Variants in PEX5L observed in about 807,000 individuals in gnomAD.
PEX5L encodes PEX5-related protein.
Under a neutral mutation model 84.0 loss-of-function variants are expected in PEX5L, and 30 were observed. That is an observed-to-expected ratio of 0.36 (90% CI 0.27 to 0.48). PEX5L has a LOEUF of 0.48. PEX5L is among the 20% of genes least tolerant of loss of function. PEX5L has a pLI of 0.99. For missense variants in PEX5L, 533 were observed against 754.6 expected, an observed-to-expected ratio of 0.71 and a Z score of 3.44; for synonymous variants, 270 against 283.1, an observed-to-expected ratio of 0.95 and a Z score of 0.46.
At chr3:179,870,411 A>G (rs1560467665) in intron 7 of PEX5L, among the ~76,000 whole-genome samples, 1 of 151,932 alleles carries the variant, frequency 6.6e-6, no homozygotes, top group Non-Finnish European at 1.5e-5. Context: ...ACTTCTGCCC[A>G]CTCCAAGACC....
intron 3 of PEX5L, among the ~76,000 whole-genome samples, chr3:179,897,232 T>C (rs1759644504): frequency 2.0e-5 from 3 of 152,152 alleles, no homozygotes; most frequent in Admixed American, 6.6e-5. Flanking sequence ...ATTCTAGGCA[T>C]GTTCATATAA....
intron 8 of PEX5L, among the ~76,000 whole-genome samples, chr3:179,841,896 AT>A (rs1324666000): frequency 1.3e-5 from 2 of 152,208 alleles, no homozygotes; most frequent in Non-Finnish European, 2.9e-5. Flanking sequence ...AAATGTATCA[AT>A]TTCACCACCA....
rs1717559693 is a variant in PEX5L, at chr3:179,797,624, A to C, written c.*4204T>G. 1 of 146,394 alleles carries C rather than the reference A, an allele frequency of 6.8e-6. No homozygotes were observed. The highest frequency in any genetic ancestry group is 1.5e-5 in the Non-Finnish European group (1 of 66,626). 9.1% of individuals were successfully genotyped at this position (146,394 alleles called of 1,614,324 possible). On this transcript the variant is annotated 3_prime_UTR_variant, in exon 15 of 15. Coordinates refer to ENST00000467460, the MANE Select transcript of PEX5L (RefSeq NM_016559.3). ...AAAAAAAATATATATATATATATAT[A>C]TATATATCTACTTCTTAGTTCAAAA...
At chr3:179,965,251 C>T (rs1783046677) in intron 2 of PEX5L, among the ~76,000 whole-genome samples, 1 of 152,174 alleles carries the variant, frequency 6.6e-6, no homozygotes, top group South Asian at 2.1e-4. Context: ...ACTCACCATT[C>T]AGGAGGCACG....
At chr3:179,971,043 C>A (rs554602848) in intron 2 of PEX5L, among the ~76,000 whole-genome samples, 2 of 152,198 alleles carry the variant, frequency 1.3e-5, no homozygotes, top group East Asian at 3.9e-4. Context: ...AACATCCAAG[C>A]TAGTGGTTTC....
At chr3:179,981,072 CA>C (rs1786284395) in intron 1 of PEX5L, among the ~76,000 whole-genome samples, 1 of 151,430 alleles carries the variant, frequency 6.6e-6, no homozygotes, top group African/African-American at 2.4e-5. Flanking sequence ...GATGCACAGC[CA>C]AATCCAAATC....
At chr3:180,008,321 C>A (rs7630527) in intron 1 of PEX5L, among the ~76,000 whole-genome samples, 19,315 of 152,232 alleles carry the variant, frequency 0.13, 1,376 homozygotes, top group African/African-American at 0.2. Context: ...CCATCTGAGA[C>A]CACCTCAGCC....
chr3:179,954,210 G>C (rs893566472), intron 2 of PEX5L, among the ~76,000 whole-genome samples: 27 of 136,390 alleles, frequency 2.0e-4, no homozygotes, highest in South Asian at 1.8e-3. Flanking sequence ...TAGTCGGGGG[G>C]GGGGGAAAAA....
At chr3:179,940,113 A>G (rs149947016) in intron 2 of PEX5L, among the ~76,000 whole-genome samples, 1 of 152,292 alleles carries the variant, frequency 6.6e-6, no homozygotes, top group East Asian at 1.9e-4. Flanking sequence ...GGTACTAGTC[A>G]GTGCAGGTGA....
chr3:179,925,241 G>T (rs1771078979), intron 2 of PEX5L, among the ~76,000 whole-genome samples: 1 of 152,126 alleles, frequency 6.6e-6, no homozygotes, highest in African/African-American at 2.4e-5. Context: ...GTGTTACATT[G>T]ATAGCGTTCA....
chr3:179,873,672 A>C (rs1405148808), intron 7 of PEX5L, among the ~76,000 whole-genome samples: 2 of 152,180 alleles, frequency 1.3e-5, no homozygotes, highest in Non-Finnish European at 2.9e-5. Flanking sequence ...CCAGTGATTT[A>C]GCTGAGTGTC....
intron 1 of PEX5L, among the ~76,000 whole-genome samples, chr3:179,995,933 G>A (rs1282527922): frequency 6.6e-6 from 1 of 152,188 alleles, no homozygotes; most frequent in Non-Finnish European, 1.5e-5. Context: ...CACTGAGTGT[G>A]TAAATTCTGA....
intron 2 of PEX5L, among the ~76,000 whole-genome samples, chr3:179,910,364 T>C (rs959699214): frequency 2.0e-5 from 3 of 152,232 alleles, no homozygotes; most frequent in African/African-American, 7.2e-5. Context: ...AATTTTCTTG[T>C]GAAAAAGCAA....
intron 8 of PEX5L, among the ~76,000 whole-genome samples, chr3:179,847,265 TATTG>T (rs1217570065): frequency 6.6e-6 from 1 of 152,002 alleles, no homozygotes; most frequent in East Asian, 1.9e-4. Flanking sequence ...GATAACTGTA[TATTG>T]ATTGATATAT....
rs967598548 is a variant in PEX5L at position 179,796,222 on chromosome 3, G to C, written c.*5606C>G. On this transcript the variant is annotated 3_prime_UTR_variant, in exon 15 of 15. Coordinates refer to ENST00000467460, the MANE Select transcript of PEX5L (RefSeq NM_016559.3). Reference sequence around the variant, plus strand: ...AATGAATGATACACATTTTATAGTTGAGCAAAGAACTGCCTAATTGTTGTT... The same window carrying C: ...AATGAATGATACACATTTTATAGTTCAGCAAAGAACTGCCTAATTGTTGTT... 6.8e-6 allele frequency: 1 copy of C among 146,792 alleles called. No homozygotes were observed. Among genetic ancestry groups the C allele is most frequent in the African/African-American group, 2.4e-5 (1 of 40,862 alleles). 9.1% of individuals were successfully genotyped at this position (146,792 alleles called of 1,614,324 possible). A position where few individuals can be genotyped will look rare whatever the true frequency, so the allele number is the denominator to read the frequency against.
In PEX5L at chr3:179,939,955, A is replaced by G. The variant is rs115974700; in HGVS notation, c.93+31639T>C. Among the ~76,000 whole-genome samples, 1,253 of 152,344 alleles carry G rather than the reference A, an allele frequency of 8.2e-3. 21 individuals are homozygous for G. Among genetic ancestry groups the G allele is most frequent in the African/African-American group, 0.029 (1,209 of 41,560 alleles). On this transcript the variant is annotated intron_variant, in intron 2 of 14. Coordinates refer to ENST00000467460, the MANE Select transcript of PEX5L (RefSeq NM_016559.3). ...GGTGGATAAAAATAAAAGGAAAGTTATATGATGACAGCCAAATAGTTCTCC... is the reference window on the plus strand; with the variant it reads ...GGTGGATAAAAATAAAAGGAAAGTTGTATGATGACAGCCAAATAGTTCTCC...
At chr3:179,930,716 G>C (rs1163955464) in intron 2 of PEX5L, among the ~76,000 whole-genome samples, 1 of 152,142 alleles carries the variant, frequency 6.6e-6, no homozygotes, top group East Asian at 1.9e-4. Context: ...ATTCAAAGTG[G>C]ATAATTTTAC....
chr3:179,895,283 A>G (rs1414777158), intron 3 of PEX5L, among the ~76,000 whole-genome samples: 1 of 152,094 alleles, frequency 6.6e-6, no homozygotes, highest in Non-Finnish European at 1.5e-5. Context: ...TGTATTTTAT[A>G]CTTGCAGCAC....
chr3:180,010,225 G>A (rs944834114), intron 1 of PEX5L, among the ~76,000 whole-genome samples: 4 of 148,062 alleles, frequency 2.7e-5, no homozygotes, highest in East Asian at 2.0e-4. Flanking sequence ...GATTACAGGC[G>A]TGAGCCACTG....
Sources: allele counts gnomAD v4.1 joint callset (sites outside exome capture counted in the v4.1 genomes callset), GRCh38; gene constraint gnomAD v4.1.1; transcripts MANE v1.5; gene names NCBI Gene and HGNC (gene_info 2026-07-23, HGNC 2026-07-21).